ASTN1: variants seen among roughly 807,000 people sequenced by gnomAD.
The protein encoded by ASTN1 is astrotactin-1.
Under a neutral mutation model 140.7 loss-of-function variants are expected in ASTN1, and 41 were observed. The observed-to-expected ratio is 0.29, with a 90% CI of 0.23 to 0.38. The LOEUF (loss-of-function observed/expected upper bound fraction) is 0.38. Among genes scored for constraint, ASTN1 ranks in the 10% least tolerant of loss-of-function variants. ASTN1 has a pLI of 1.00. For synonymous variants in ASTN1, 640 were observed against 652.2 expected, an observed-to-expected ratio of 0.98 and a Z score of 0.29; for missense variants, 1,479 against 1,678.8, an observed-to-expected ratio of 0.88 and a Z score of 2.08.
At chr1:176,955,639 C>A (rs1316736096) in intron 11 of ASTN1, among the ~76,000 whole-genome samples, 1 of 152,204 alleles carries the variant, frequency 6.6e-6, no homozygotes, top group African/African-American at 2.4e-5. Context: ...CAGAACTATT[C>A]CTGCTAGCTC....
intron 16 of ASTN1, among the ~76,000 whole-genome samples, chr1:176,930,265 T>C (rs74629093): frequency 0.046 from 7,009 of 152,278 alleles, 230 homozygotes; most frequent in Non-Finnish European, 0.073. Context: ...TTCACAAATC[T>C]ACCACAGTGT....
chr1:176,881,418 T>C (rs1437697962), intron 20 of ASTN1, among the ~76,000 whole-genome samples: 2 of 152,192 alleles, frequency 1.3e-5, no homozygotes, highest in African/African-American at 4.8e-5. Context: ...CCACTTCTTG[T>C]ACATTGGAAC....
chr1:177,064,502 G>C (rs1678253205), intron 1 of ASTN1, among the ~76,000 whole-genome samples: 1 of 152,160 alleles, frequency 6.6e-6, no homozygotes. Context: ...CCTAGGCATG[G>C]TAGCACCAAT....
chr1:177,060,539 C>T (rs1678031916), intron 2 of ASTN1, among the ~76,000 whole-genome samples: 1 of 152,192 alleles, frequency 6.6e-6, no homozygotes, highest in African/African-American at 2.4e-5. Flanking sequence ...GAGACAGAGG[C>T]TCACTCTGTC....
intron 8 of ASTN1, among the ~76,000 whole-genome samples, chr1:176,990,775 C>T (rs1674121884): frequency 6.6e-6 from 1 of 152,104 alleles, no homozygotes; most frequent in Admixed American, 6.5e-5. Flanking sequence ...CAAGGAAAGC[C>T]TTCCACTGTC....
At chr1:176,876,946 G>A (rs1668590972) in intron 20 of ASTN1, among the ~76,000 whole-genome samples, 1 of 152,176 alleles carries the variant, frequency 6.6e-6, no homozygotes, top group Non-Finnish European at 1.5e-5. Context: ...CATTACCTGG[G>A]AACCTGGGAG....
intron 16 of ASTN1, among the ~76,000 whole-genome samples, chr1:176,924,559 G>A (rs1267233133): frequency 6.6e-6 from 1 of 152,006 alleles, no homozygotes; most frequent in Non-Finnish European, 1.5e-5. Context: ...ACTAGGATAT[G>A]AGCTCCAGAA....
At chr1:176,884,906 T>C (rs1668971108) in intron 18 of ASTN1, among the ~76,000 whole-genome samples, 1 of 152,214 alleles carries the variant, frequency 6.6e-6, no homozygotes, top group Admixed American at 6.5e-5. Context: ...TTGAAGGTGA[T>C]GTCCAGAATC....
intron 2 of ASTN1, among the ~76,000 whole-genome samples, chr1:177,052,269 A>G (rs553420228): frequency 1.3e-5 from 2 of 152,278 alleles, no homozygotes; most frequent in East Asian, 1.9e-4. Context: ...CCTGGGTCAC[A>G]CATTGTATGC....
At position 176,894,697 on chromosome 1, in the gene ASTN1, G is replaced by C. The variant is rs1420783419; in HGVS notation, c.2805C>G (p.Ser935Arg). 6.2e-7 allele frequency: 1 copy of C among 1,614,112 alleles called. No homozygotes were observed. The highest frequency in any genetic ancestry group is 1.3e-5 in the African/African-American group (1 of 75,056). Residue 935 changes from serine (S) to arginine (R), a missense_variant, in exon 17 of 23, where the codon AGC becomes AGG. Physicochemically the swap from Ser to Arg is moderately radical, Grantham distance 110. Coordinates refer to ENST00000361833, the MANE Select transcript of ASTN1 (RefSeq NM_004319.3). Reference sequence around the variant, plus strand: ...GGCAGGACGAGGGGCATCGTCCCTTGCTGTGGCACTCCATGCGGACTCCAG... The same window carrying C: ...GGCAGGACGAGGGGCATCGTCCCTTCCTGTGGCACTCCATGCGGACTCCAG... ...MAAGVRMECH[S>R]KGRCPSSCPL...
At chr1:176,884,245 G>T (rs1668930942) in intron 19 of ASTN1, 94 bp downstream of exon 19, 4 of 1,431,620 alleles carry the variant, frequency 2.8e-6, no homozygotes, top group Non-Finnish European at 3.8e-6. Context: ...GGGATACTGG[G>T]GACCTGGAGC....
At chr1:177,037,219 G>A (rs1027942759) in intron 2 of ASTN1, among the ~76,000 whole-genome samples, 4 of 152,052 alleles carry the variant, frequency 2.6e-5, no homozygotes, top group Non-Finnish European at 4.4e-5. Context: ...AGAGTCTAGC[G>A]AAATGAAAAG....
chr1:176,917,280 C>G (rs35047221), intron 16 of ASTN1, among the ~76,000 whole-genome samples: 9,909 of 152,186 alleles, frequency 0.065, 408 homozygotes, highest in South Asian at 0.14. Context: ...TCCATAGGGC[C>G]TGGCACTCAA....
At chr1:176,902,858 A>T (rs541702339) in intron 16 of ASTN1, among the ~76,000 whole-genome samples, 173 of 152,308 alleles carry the variant, frequency 1.1e-3, no homozygotes, top group African/African-American at 3.8e-3. Flanking sequence ...GATTCCTGAG[A>T]TCCAGCTCTA....
intron 1 of ASTN1, among the ~76,000 whole-genome samples, chr1:177,112,420 G>C (rs758762155): frequency 6.6e-6 from 1 of 152,198 alleles, no homozygotes; most frequent in African/African-American, 2.4e-5. Flanking sequence ...TGCCTGCCAC[G>C]AGGAGGAGTT....
chr1:177,051,343 C>T (rs1677532732), intron 2 of ASTN1, among the ~76,000 whole-genome samples: 1 of 152,200 alleles, frequency 6.6e-6, no homozygotes, highest in Non-Finnish European at 1.5e-5. Context: ...GGCCTCCAGG[C>T]CAAATGTGGC....
At chr1:177,099,623 T>C (rs1680205356) in intron 1 of ASTN1, among the ~76,000 whole-genome samples, 1 of 152,154 alleles carries the variant, frequency 6.6e-6, no homozygotes, top group Non-Finnish European at 1.5e-5. Flanking sequence ...GTCTGGAAAA[T>C]TCAGTACTTT....
chr1:176,992,230 C>T (rs546915183), intron 8 of ASTN1, among the ~76,000 whole-genome samples: 12 of 152,118 alleles, frequency 7.9e-5, no homozygotes, highest in African/African-American at 2.9e-4. Context: ...AAGCAGGGAC[C>T]CAACAAATGG....
chr1:177,023,313 G>T, intron 7 of ASTN1, 91 bp downstream of exon 7: 2 of 1,452,976 alleles, frequency 1.4e-6, no homozygotes, highest in Non-Finnish European at 1.9e-6. Flanking sequence ...GTGGGACGGG[G>T]AGTTGGGAGG....
Sources: gnomAD v4.1 joint callset for allele counts (sites outside exome capture counted in the v4.1 genomes callset) on GRCh38, gnomAD v4.1.1 for gene constraint, MANE v1.5 for transcripts, NCBI Gene and HGNC (gene_info 2026-07-23, HGNC 2026-07-21) for gene names.